MTREX: variants seen among roughly 807,000 people sequenced by gnomAD.
MTREX encodes exosome RNA helicase MTR4.
In MTREX, 76 loss-of-function variants were observed where a neutral mutation model predicts 135.4. That is an observed-to-expected ratio of 0.56 (90% CI 0.47 to 0.68). The LOEUF is 0.68. Among genes scored for constraint, MTREX ranks in the 30% least tolerant of loss-of-function variants. MTREX has a pLI of 0.00. For missense variants in MTREX, 920 were observed against 1,262.1 expected (o/e 0.73, Z 4.11); for synonymous variants, 404 against 401.6 (o/e 1.01, Z -0.07).
chr5:55,412,162 A>C (rs1315107930), intron 23 of MTREX, among the ~76,000 whole-genome samples: 2 of 152,162 alleles, frequency 1.3e-5, no homozygotes, highest in African/African-American at 4.8e-5. Flanking sequence ...TTGAGATGGA[A>C]GATTGTACTG....
chr5:55,385,516 T>G (rs1750463503), intron 18 of MTREX, among the ~76,000 whole-genome samples: 1 of 152,110 alleles, frequency 6.6e-6, no homozygotes, highest in South Asian at 2.1e-4. Context: ...AGCCCTTCTG[T>G]ATTTTTGGCT....
intron 5 of MTREX, among the ~76,000 whole-genome samples, chr5:55,331,194 A>T (rs574936288): frequency 1.5e-4 from 23 of 152,060 alleles, no homozygotes; most frequent in East Asian, 5.8e-4. Context: ...TTAAAAAAAA[A>T]TTTTCATTAC....
At chr5:55,358,076 C>T (rs574104662) in intron 14 of MTREX, among the ~76,000 whole-genome samples, 77 of 152,264 alleles carry the variant, frequency 5.1e-4, no homozygotes, top group Middle Eastern at 6.8e-3. Flanking sequence ...GTGGCTCATG[C>T]CTGTAATCCC....
Position 55,422,905 on chromosome 5 carries a change from TG to T in MTREX, c.3001del (p.Glu1001LysfsTer46). 6.2e-7 allele frequency: 1 copy of T among 1,613,932 alleles called. No individual in the cohort carries two copies. Among genetic ancestry groups the T allele is most frequent in the East Asian group, 2.2e-5 (1 of 44,884 alleles). ...AGCATAATTCGTTGTATGAGGCGCCTGGAAGAATTGCTTCGACAAATGTGTC... is the reference window on the plus strand; with the variant it reads ...AGCATAATTCGTTGTATGAGGCGCCTGAAGAATTGCTTCGACAAATGTGTC... ...EGSIIRCMRR[L>X]EELLRQMCQA... On this transcript the variant is annotated frameshift_variant, in exon 26 of 27. Transcript: ENST00000230640. LOFTEE classifies it high-confidence loss of function.
chr5:55,342,488 A>G (rs12697140), intron 7 of MTREX, among the ~76,000 whole-genome samples: 1 of 152,130 alleles, frequency 6.6e-6, no homozygotes, highest in Admixed American at 6.5e-5. Flanking sequence ...TATGAAATAA[A>G]AATGAACAAA....
At chr5:55,355,545 G>A (rs1749897463) in intron 14 of MTREX, among the ~76,000 whole-genome samples, 1 of 152,174 alleles carries the variant, frequency 6.6e-6, no homozygotes, top group African/African-American at 2.4e-5. Context: ...GTGGGCCAGG[G>A]ACCCTCTCAT....
chr5:55,358,698 G>A lies in MTREX; in HGVS notation c.1659G>A (p.Lys553=), dbSNP rs1233264589. 1 of 1,587,528 alleles carries A rather than the reference G, an allele frequency of 6.3e-7. No individual in the cohort carries two copies. ...CAACAATTGGAAAACAATTACTTAA[G>A]GTAACTACATTAAGATTGTGTACCT... ...MSPTIGKQLL[K]GSADPLNSAF... Residue 553 remains lysine (K), a splice_region_variant and synonymous_variant, in exon 15 of 27, where the codon AAG becomes AAA. Coordinates refer to ENST00000230640, the MANE Select transcript of MTREX (RefSeq NM_015360.5).
chr5:55,376,937 G>A (rs1750312330), intron 16 of MTREX, among the ~76,000 whole-genome samples: 1 of 151,732 alleles, frequency 6.6e-6, no homozygotes, highest in African/African-American at 2.4e-5. Context: ...TGGGCATGGT[G>A]TGGCACGCCT....
At chr5:55,342,874 C>T (rs1345517477) in intron 7 of MTREX, among the ~76,000 whole-genome samples, 8 of 151,672 alleles carry the variant, frequency 5.3e-5, no homozygotes, top group African/African-American at 1.9e-4. Flanking sequence ...AAATGACTTA[C>T]GGTTTTATCT....
At chr5:55,330,561 G>A (rs1010866207) in intron 5 of MTREX, among the ~76,000 whole-genome samples, 2 of 149,616 alleles carry the variant, frequency 1.3e-5, no homozygotes, top group Non-Finnish European at 3.0e-5. Context: ...TTACTACTTC[G>A]TTTATCTGAT....
At chr5:55,396,817 A>G (rs1750653779) in intron 19 of MTREX, among the ~76,000 whole-genome samples, 2 of 152,244 alleles carry the variant, frequency 1.3e-5, no homozygotes, top group Non-Finnish European at 2.9e-5. Flanking sequence ...ACCTGTGGAA[A>G]CATTAACTTT....
intron 1 of MTREX, among the ~76,000 whole-genome samples, chr5:55,317,593 G>A (rs1749219813): frequency 6.6e-6 from 1 of 152,114 alleles, no homozygotes; most frequent in Admixed American, 6.6e-5. Flanking sequence ...AAAATTGAAG[G>A]TGGACCCCTT....
intron 11 of MTREX, 90 bp downstream of exon 11, chr5:55,347,234 T>C: frequency 1.5e-6 from 2 of 1,296,406 alleles, no homozygotes; most frequent in Non-Finnish European, 2.1e-6. Context: ...TACATATTAC[T>C]AGGATATGCC....
intron 5 of MTREX, among the ~76,000 whole-genome samples, chr5:55,338,917 A>G (rs1327581283): frequency 1.7e-4 from 25 of 150,308 alleles, no homozygotes; most frequent in Admixed American, 1.6e-3. Context: ...CAGCCTGCCA[A>G]GTAGCTGGGA....
intron 5 of MTREX, among the ~76,000 whole-genome samples, chr5:55,334,328 A>AT (rs970501660): frequency 6.6e-6 from 1 of 152,096 alleles, no homozygotes; most frequent in Non-Finnish European, 1.5e-5. Flanking sequence ...TGTTATGTGA[A>AT]TTTCACTTCA....
At chr5:55,371,173 T>G (rs1750189186) in intron 16 of MTREX, among the ~76,000 whole-genome samples, 1 of 152,168 alleles carries the variant, frequency 6.6e-6, no homozygotes, top group Non-Finnish European at 1.5e-5. Context: ...CTCAGTTTGT[T>G]TATGAAGTTG....
At chr5:55,387,900 C>G in intron 18 of MTREX, 74 bp from the exon 19 acceptor site, 2 of 1,428,902 alleles carry the variant, frequency 1.4e-6, no homozygotes, top group East Asian at 4.7e-5. Flanking sequence ...AAAATAGTTC[C>G]TATACAGATG....
chr5:55,325,343 T>TG (rs1180503312), intron 3 of MTREX, among the ~76,000 whole-genome samples: 15 of 150,108 alleles, frequency 1.0e-4, no homozygotes, highest in Admixed American at 1.3e-4. Flanking sequence ...TTTTTTGTTT[T>TG]TTTTTTTTTT....
rs1749751577 is a variant in MTREX, at chr5:55,347,133, A to G, written c.1229A>G (p.Asp410Gly). The G allele has an allele frequency of 6.2e-7, 1 of 1,601,624 alleles. No homozygotes were observed. Among genetic ancestry groups the G allele is most frequent in the Non-Finnish European group, 8.5e-7 (1 of 1,174,660 alleles). ...EAYALQMTKL[D>G]FNTDEEKKMV... ...TATGCACTTCAAATGACCAAATTAG[A>G]TTTCAACACAGGTACTACATCATTT... Residue 410 changes from aspartate (D) to glycine (G), a missense_variant, in exon 11 of 27, where the codon GAT becomes GGT. Around this residue, in one of 6 missense-constraint regions of MTREX, gnomAD observed 101 missense variants for 119.1 expected, o/e 0.85. Transcript: ENST00000230640.
Sources: allele counts gnomAD v4.1 joint callset (sites outside exome capture counted in the v4.1 genomes callset), GRCh38; gene constraint gnomAD v4.1.1; regional missense constraint gnomAD v4.1.1; transcripts MANE v1.5; gene names NCBI Gene and HGNC (gene_info 2026-07-23, HGNC 2026-07-21).